The following ZNF215 variants were observed in gnomAD, a reference collection of about 807,000 sequenced individuals.
ZNF215 encodes zinc finger protein 215.
A neutral mutation model predicts 27.2 loss-of-function variants in ZNF215; 24 were observed. The ratio of observed to expected loss-of-function variants is 0.88; its 90% confidence interval spans 0.64 to 1.24. ZNF215 has a LOEUF of 1.24. Ranked by LOEUF, ZNF215 falls within the 50% of genes most tolerant of loss-of-function variation. The probability of loss-of-function intolerance (pLI) is 0.00; values close to 1 mark genes in which losing one functional copy is unlikely to be tolerated. For synonymous variants in ZNF215, 210 were observed against 204.0 expected (o/e 1.03, Z -0.25); for missense variants, 675 against 605.7 (o/e 1.11, Z -1.20).
chr11:6,934,944 G>GT (rs1293678141), intron 3 of ZNF215, among the ~76,000 whole-genome samples: 1 of 152,184 alleles, frequency 6.6e-6, no homozygotes, highest in African/African-American at 2.4e-5. Flanking sequence ...AGGTTGCAGG[G>GT]TAATACAGAA....
intron 5 of ZNF215, among the ~76,000 whole-genome samples, chr11:6,969,556 A>G (rs1158923924): frequency 6.6e-6 from 1 of 150,438 alleles, no homozygotes; most frequent in Admixed American, 6.7e-5. Context: ...GTTTAATTAA[A>G]CATAATTGCA....
rs770694168 is a variant in ZNF215 at position 6,956,296 on chromosome 11, G to A, written c.1319G>A (p.Cys440Tyr). Residue 440 changes from cysteine (C) to tyrosine (Y), a missense_variant, in exon 7 of 7, where the codon TGT becomes TAT. By Grantham distance (194) the Cys-to-Tyr change is radical. Transcript: ENST00000278319. ...AEAKACTSNK[C>Y]GKAFSKSEDS... ...GCAAAGGCCTGCACAAGCAATAAAT[G>A]TGGAAAGGCCTTCAGTAAAAGTGAA... 6.2e-7 allele frequency: 1 copy of A among 1,614,144 alleles called. No homozygotes were observed. The highest frequency in any genetic ancestry group is 8.5e-7 in the Non-Finnish European group (1 of 1,180,020).
intron 5 of ZNF215, among the ~76,000 whole-genome samples, chr11:6,980,198 A>C (rs1162561826): frequency 6.6e-6 from 1 of 152,134 alleles, no homozygotes; most frequent in African/African-American, 2.4e-5. Context: ...TCATTGGAAG[A>C]AATCAAAATA....
downstream of ZNF215, among the ~76,000 whole-genome samples, chr11:6,986,251 C>G (rs1434501484): frequency 2.0e-5 from 3 of 152,004 alleles, no homozygotes; most frequent in Non-Finnish European, 4.4e-5. Flanking sequence ...TTATCTTTGA[C>G]AAAATCAACA....
intron 3 of ZNF215, among the ~76,000 whole-genome samples, chr11:6,937,437 C>T (rs917530227): frequency 2.0e-5 from 3 of 151,064 alleles, no homozygotes; most frequent in Non-Finnish European, 4.4e-5. Context: ...TAACACTCCC[C>T]CAAAGCAATC....
downstream of ZNF215, among the ~76,000 whole-genome samples, chr11:6,986,781 A>C (rs1032988517): frequency 2.0e-5 from 3 of 152,174 alleles, no homozygotes; most frequent in Admixed American, 2.0e-4. Context: ...GAAAAATGCA[A>C]ATCAAAACCC....
At chr11:6,958,224 A>T (rs1590075229), downstream of ZNF215, among the ~76,000 whole-genome samples, 1 of 152,344 alleles carries the variant, frequency 6.6e-6, no homozygotes, top group South Asian at 2.1e-4. Context: ...TACTTACATT[A>T]AATACAATGG....
chr11:6,980,550 G>C (rs1010072721), intron 5 of ZNF215, among the ~76,000 whole-genome samples: 3 of 152,088 alleles, frequency 2.0e-5, no homozygotes, highest in Non-Finnish European at 4.4e-5. Context: ...TGAGTATTAA[G>C]TAATAAAAAT....
intron 5 of ZNF215, among the ~76,000 whole-genome samples, chr11:6,978,399 G>A (rs1054433644): frequency 3.9e-5 from 6 of 152,028 alleles, no homozygotes; most frequent in Non-Finnish European, 8.8e-5. Flanking sequence ...TACCTCTGGT[G>A]GATGGTGTTG....
downstream of ZNF215, among the ~76,000 whole-genome samples, chr11:6,989,547 C>G (rs532034367): frequency 2.6e-4 from 40 of 152,248 alleles, no homozygotes; most frequent in Non-Finnish European, 4.9e-4. Context: ...GGTACTATAG[C>G]AGTCCATCAT....
At chr11:6,988,621 C>T (rs1851085175), downstream of ZNF215, 1 of 152,138 alleles carries the variant, frequency 6.6e-6, no homozygotes. Context: ...GGTGTCCTAT[C>T]ACACTGAATC....
intron 6 of ZNF215, among the ~76,000 whole-genome samples, chr11:6,952,386 A>T (rs1850108455): frequency 6.6e-6 from 1 of 151,992 alleles, no homozygotes; most frequent in African/African-American, 2.4e-5. Context: ...TTTGTAGGTC[A>T]CTCAGGACTT....
chr11:6,979,821 T>C (rs548656687), intron 5 of ZNF215, among the ~76,000 whole-genome samples: 8 of 152,228 alleles, frequency 5.3e-5, no homozygotes, highest in Admixed American at 5.2e-4. Flanking sequence ...TTAAAATATA[T>C]TGCTGAGAGG....
In ZNF215 at chr11:6,972,714, C is replaced by G. The variant is rs151305939; in HGVS notation, c.806-11415C>G. On this transcript the variant is annotated intron_variant, in intron 5 of 5. Transcript: ENST00000529903. ...AGCAGAAATCTTCCCTGGCAAATGC[C>G]AAAGAAATTTTGACAGAGATGAAAC... Among the ~76,000 whole-genome samples, 363 of 152,096 alleles carry G rather than the reference C, an allele frequency of 2.4e-3. 2 individuals are homozygous for G. Among genetic ancestry groups the G allele is most frequent in the African/African-American group, 7.6e-3 (316 of 41,508 alleles).
chr11:6,954,254 G>A (rs1023359968), intron 6 of ZNF215, among the ~76,000 whole-genome samples: 20 of 152,328 alleles, frequency 1.3e-4, no homozygotes, highest in South Asian at 1.0e-3. Context: ...GAGAACCACC[G>A]CTCTCTTCAA....
chr11:6,943,479 C>T (rs1849699501), intron 5 of ZNF215, 67 bp from the exon 6 acceptor site: 13 of 1,424,810 alleles, frequency 9.1e-6, no homozygotes, highest in Non-Finnish European at 1.1e-5. Context: ...ATTATCTTCT[C>T]TATAAAAATG....
At chr11:6,989,740 C>G (rs1199649551), downstream of ZNF215, among the ~76,000 whole-genome samples, 1 of 152,184 alleles carries the variant, frequency 6.6e-6, no homozygotes, top group African/African-American at 2.4e-5. Flanking sequence ...GCCTGGGTCA[C>G]AGAAGAGTTG....
chr11:6,965,196 A>T (rs1219067219), intron 5 of ZNF215, among the ~76,000 whole-genome samples: 1 of 152,128 alleles, frequency 6.6e-6, no homozygotes, highest in East Asian at 1.9e-4. Context: ...CAGTAAAGGC[A>T]TATTGAACAC....
chr11:6,943,322 G>A, intron 5 of ZNF215, 107 bp downstream of exon 5: 1 of 1,479,868 alleles, frequency 6.8e-7, no homozygotes, highest in East Asian at 2.3e-5. Flanking sequence ...TCTGGGTTGA[G>A]GTTTGCTAAT....
Sources: allele counts gnomAD v4.1 joint callset (sites outside exome capture counted in the v4.1 genomes callset), GRCh38; gene constraint gnomAD v4.1.1; transcripts MANE v1.5; gene names NCBI Gene and HGNC (gene_info 2026-07-23, HGNC 2026-07-21).